HMGXB3: variants seen among roughly 807,000 people sequenced by gnomAD.
The protein encoded by HMGXB3 is HMG-box containing 3.
HMGXB3 carries 45 observed loss-of-function variants against 121.5 expected under a neutral mutation model. That is an observed-to-expected ratio of 0.37 (90% CI 0.29 to 0.47). HMGXB3 has a LOEUF of 0.47. Ranked by LOEUF, HMGXB3 falls within the 20% of genes least tolerant of loss-of-function variation. HMGXB3 has a pLI of 0.99. For synonymous variants in HMGXB3, 590 were observed against 624.1 expected, an observed-to-expected ratio of 0.95 and a Z score of 0.81; for missense variants, 1,376 against 1,602.2, an observed-to-expected ratio of 0.86 and a Z score of 2.41.
At chr5:150,030,880 T>G (rs1422372311) in intron 10 of HMGXB3, 41 bp downstream of exon 10, 1 of 1,472,004 alleles carries the variant, frequency 6.8e-7, no homozygotes, top group African/African-American at 1.4e-5. Context: ...ACATGGAGGT[T>G]GTTTTGATTT....
intron 13 of HMGXB3, among the ~76,000 whole-genome samples, chr5:150,039,926 T>C (rs1037339777): frequency 7.2e-5 from 11 of 152,242 alleles, no homozygotes; most frequent in Non-Finnish European, 1.5e-5. Flanking sequence ...TCACCCACTT[T>C]TATTTGTCTT....
At chr5:150,043,028 C>T (rs888228759) in intron 15 of HMGXB3, among the ~76,000 whole-genome samples, 1 of 152,156 alleles carries the variant, frequency 6.6e-6, no homozygotes, top group African/African-American at 2.4e-5. Flanking sequence ...CACAGTAATG[C>T]ATCATGACAA....
At position 150,052,925 on chromosome 5, in the gene HMGXB3, G is replaced by T. The variant is rs1263006176; in HGVS notation, c.*733G>T. On this transcript the variant is annotated 3_prime_UTR_variant, in exon 20 of 20. Coordinates refer to ENST00000502717, the MANE Select transcript of HMGXB3 (RefSeq NM_014983.3). ...CTCCACAGAGGGGATGTGGTCCCTG[G>T]TCATGACATAACCTAGCAGCAGTAG... The T allele has an allele frequency of 6.5e-6, 1 of 152,742 alleles. No individual in the cohort carries two copies. Among genetic ancestry groups the T allele is most frequent in the East Asian group, 1.9e-4 (1 of 5,276 alleles). 9.5% of individuals were successfully genotyped at this position (152,742 alleles called of 1,614,324 possible).
intron 15 of HMGXB3, among the ~76,000 whole-genome samples, chr5:150,044,108 T>G (rs1756700262): frequency 6.6e-6 from 1 of 152,250 alleles, no homozygotes; most frequent in Non-Finnish European, 1.5e-5. Flanking sequence ...TTTCCTTCAG[T>G]GGTACCAGGT....
At chr5:150,006,770 C>T (rs1755714166) in intron 3 of HMGXB3, 123 bp downstream of exon 3, 5 of 816,796 alleles carry the variant, frequency 6.1e-6, no homozygotes, top group Non-Finnish European at 9.4e-6. Context: ...TTTTATCCTT[C>T]TTGACTCTGG....
chr5:150,010,294 A>G lies in HMGXB3; in HGVS notation c.496A>G (p.Asn166Asp), dbSNP rs1235863854. 1.3e-6 allele frequency: 2 copies of G among 1,551,650 alleles called. No homozygotes were observed. Among genetic ancestry groups the G allele is most frequent in the Non-Finnish European group, 1.7e-6 (2 of 1,147,014 alleles). ...CCCGAAAGGACCTCCTCTTGTGTCC[A>G]ACACTGCCCCGGAGACAGTGCCCAG... Reference protein sequence around the residue: ...MSPKGPPLVSNTAPETVPSHA... With the variant: ...MSPKGPPLVSDTAPETVPSHA... Residue 166 changes from asparagine to aspartate, a missense_variant, in exon 4 of 20, where the codon AAC becomes GAC. Asn to Asp is a conservative substitution (Grantham distance 23). Around this residue, in one of 2 missense-constraint regions of HMGXB3, gnomAD observed 1,116 missense variants for 1,369.0 expected, o/e 0.82. Transcript: ENST00000502717.
Position 150,028,891 on chromosome 5 carries a change from A to G in HMGXB3, c.1734+1774A>G, listed in dbSNP as rs1756308887. On this transcript the variant is annotated intron_variant, in intron 9 of 19. Coordinates refer to ENST00000502717, the MANE Select transcript of HMGXB3 (RefSeq NM_014983.3). ...CCCAGTGTCTTCTTTATTTTATTGT[A>G]TATTTTTAAAGCCCCTCCTATTCTA... Among the ~76,000 whole-genome samples the G allele has an allele frequency of 2.0e-5, 3 of 151,882 alleles. No homozygotes were observed. The South Asian group carries it at 6.2e-4, about 31-fold the overall frequency.
At chr5:150,020,226 T>C (rs1756055303) in intron 6 of HMGXB3, among the ~76,000 whole-genome samples, 1 of 152,254 alleles carries the variant, frequency 6.6e-6, no homozygotes. Flanking sequence ...TTGCTCTTCA[T>C]GTTGTCAGGA....
At position 150,024,603 on chromosome 5, in the gene HMGXB3, T is replaced by C. The variant is rs1201158422; in HGVS notation, c.1383T>C (p.Ser461=). The C allele has an allele frequency of 6.4e-7, 1 of 1,551,734 alleles. No homozygotes were observed. ...CTCTGGGGACAACTGACAATGACAG[T>C]CCTGGAGCAGACGTACCAACACCAT... ...EVTLGTTDND[S]PGADVPTPSE... is the part of the protein sequence containing the mutation. Residue 461 remains serine (S), a synonymous_variant, in exon 7 of 20, where the codon AGT becomes AGC. Coordinates refer to ENST00000502717, the MANE Select transcript of HMGXB3 (RefSeq NM_014983.3).
chr5:150,006,815 T>A (rs1755715020), intron 3 of HMGXB3, among the ~76,000 whole-genome samples, 168 bp downstream of exon 3: 1 of 152,254 alleles, frequency 6.6e-6, no homozygotes, highest in African/African-American at 2.4e-5. Context: ...TGCCCTGCAC[T>A]CTCTTGTCCT....
At chr5:150,002,714 C>G (rs562558521) in intron 1 of HMGXB3, among the ~76,000 whole-genome samples, 2 of 151,628 alleles carry the variant, frequency 1.3e-5, no homozygotes, top group Admixed American at 6.6e-5. Context: ...TTTTATGCCT[C>G]TTTTCCTAGA....
rs774703932 is a variant in HMGXB3 at position 150,036,978 on chromosome 5, T to C, written c.2285+41T>C. On this transcript the variant is annotated intron_variant, in intron 12 of 19. Transcript: ENST00000502717. The stretch of plus-strand genomic sequence containing the variant: ...CTCTGCCCCTAGCTACCCCATCCCA[T>C]TTGGCTCATACTGCTCTTTTCTTCA... 2.2e-5 allele frequency: 33 copies of C among 1,490,864 alleles called. No individual in the cohort carries two copies. The Middle Eastern group carries it at 1.4e-3, about 62-fold the overall frequency. The allele number at this position is 1,490,864 out of a possible 1,614,324, so 92.4% of individuals were successfully genotyped here.
chr5:150,042,104 GC>G (rs1756646887), intron 15 of HMGXB3, 135 bp downstream of exon 15: 1 of 606,248 alleles, frequency 1.6e-6, no homozygotes, highest in African/African-American at 1.9e-5. Context: ...TCCTCCCACA[GC>G]CCAAGATTTC....
At chr5:150,014,099 C>T (rs1198837385) in intron 5 of HMGXB3, among the ~76,000 whole-genome samples, 1 of 152,264 alleles carries the variant, frequency 6.6e-6, no homozygotes, top group Non-Finnish European at 1.5e-5. Context: ...AACAGTGTCA[C>T]TTTATGGCCT....
rs998618609 is a variant in HMGXB3, at chr5:150,006,481, A to G, written c.146A>G (p.Tyr49Cys). The G allele has an allele frequency of 6.4e-7, 1 of 1,551,062 alleles. No homozygotes were observed. The highest frequency in any genetic ancestry group is 8.7e-7 in the Non-Finnish European group (1 of 1,146,710). The change falls in exon 3 of 20, where the codon TAC (tyrosine) becomes TGC (cysteine). Residue 49 changes from tyrosine (Y) to cysteine (C), a missense_variant. Tyr to Cys is a radical substitution (Grantham distance 194). Around this residue, in one of 2 missense-constraint regions of HMGXB3, gnomAD observed 1,116 missense variants for 1,369.0 expected, o/e 0.82. Coordinates refer to ENST00000502717, the MANE Select transcript of HMGXB3 (RefSeq NM_014983.3). Reference protein sequence around the residue: ...GEKTKKPRSAYLLYYYDIYLK... With the variant: ...GEKTKKPRSACLLYYYDIYLK... The stretch of plus-strand genomic sequence containing the variant: ...AGTCATTGCTTCCTCAGGTCTGCTT[A>G]CCTTCTGTACTATTACGACATCTAC...
intron 5 of HMGXB3, among the ~76,000 whole-genome samples, chr5:150,016,426 C>T (rs887114481): frequency 6.6e-6 from 1 of 150,554 alleles, no homozygotes; most frequent in Admixed American, 6.6e-5. Flanking sequence ...ATTTTTGTGT[C>T]GCAAATTTTG....
In HMGXB3 at chr5:150,041,870, A is replaced by G; in HGVS notation, c.2631A>G (p.Arg877=). The change falls in exon 15 of 20, where the codon CGA becomes CGG. Residue 877 remains arginine, a synonymous_variant. Coordinates refer to ENST00000502717, the MANE Select transcript of HMGXB3 (RefSeq NM_014983.3). ...GYWAFECLTV[R]DYNDMICGIC... ...GGGCCTTTGAGTGCCTCACTGTCCG[A>G]GACTACAATGACATGATCTGTGGCA... is the stretch of plus-strand genomic sequence containing the variant. 1 of 1,551,714 alleles carries G rather than the reference A, an allele frequency of 6.4e-7. No homozygotes were observed. Among genetic ancestry groups the G allele is most frequent in the Non-Finnish European group, 8.7e-7 (1 of 1,146,980 alleles).
In HMGXB3 at chr5:150,052,375, C is replaced by T; in HGVS notation, c.*183C>T. 2 of 600,628 alleles carry T rather than the reference C, an allele frequency of 3.3e-6. No homozygotes were observed. Among genetic ancestry groups the T allele is most frequent in the Non-Finnish European group, 5.9e-6 (2 of 339,832 alleles). 37.2% of individuals were successfully genotyped at this position (600,628 alleles called of 1,614,324 possible). On this transcript the variant is annotated 3_prime_UTR_variant, in exon 20 of 20. Transcript: ENST00000502717. ...GGACCCAGGGTCCTCAGTTCTCAACCCTCCAGGGGTCAGGAGTGGTACCAG... is the reference window on the plus strand; with the variant it reads ...GGACCCAGGGTCCTCAGTTCTCAACTCTCCAGGGGTCAGGAGTGGTACCAG...
intron 5 of HMGXB3, among the ~76,000 whole-genome samples, chr5:150,014,139 G>A (rs1196124648): frequency 1.7e-4 from 26 of 152,214 alleles, no homozygotes; most frequent in South Asian, 4.1e-4. Flanking sequence ...TCACAAGTTC[G>A]CAAGGGCGGT....
Sources: gnomAD v4.1 joint callset for allele counts (sites outside exome capture counted in the v4.1 genomes callset) on GRCh38, gnomAD v4.1.1 for gene constraint, gnomAD v4.1.1 regional missense constraint, MANE v1.5 for transcripts, NCBI Gene and HGNC (gene_info 2026-07-23, HGNC 2026-07-21) for gene names.